The following PLEKHA2 variants were observed in gnomAD, a reference collection of about 807,000 sequenced individuals.
The protein encoded by PLEKHA2 is pleckstrin homology domain-containing family A member 2.
A neutral mutation model predicts 53.2 loss-of-function variants in PLEKHA2; 28 were observed. The observed-to-expected ratio is 0.53, with a 90% CI of 0.39 to 0.72. The LOEUF (loss-of-function observed/expected upper bound fraction) is 0.72, where lower values mean the gene tolerates loss of function less well. PLEKHA2 is among the 30% of genes least tolerant of loss of function. The probability of loss-of-function intolerance (pLI) is 0.00; values close to 1 mark genes in which losing one functional copy is unlikely to be tolerated. For missense variants in PLEKHA2, 426 were observed against 537.9 expected (o/e 0.79, Z 2.06); for synonymous variants, 193 against 196.4 (o/e 0.98, Z 0.14).
rs1193461459 is a variant in PLEKHA2 at position 38,969,791 on chromosome 8, C to A, written c.*8C>A. 1.1e-5 allele frequency: 14 copies of A among 1,232,418 alleles called. No individual in the cohort carries two copies. Among genetic ancestry groups the A allele is most frequent in the Non-Finnish European group, 1.6e-5 (14 of 880,232 alleles). 76.3% of individuals were successfully genotyped at this position (1,232,418 alleles called of 1,614,324 possible). On this transcript the variant is annotated 3_prime_UTR_variant, in exon 12 of 12. Coordinates refer to ENST00000617275, the MANE Select transcript of PLEKHA2 (RefSeq NM_021623.2). ...CGGACCTCTGATGTGTGATGGAGCA[C>A]AGTGCCATGGGAGGGAGGGAGGGAG...
At chr8:38,943,160 G>A (rs180919425) in intron 3 of PLEKHA2, among the ~76,000 whole-genome samples, 2 of 152,204 alleles carry the variant, frequency 1.3e-5, no homozygotes, top group East Asian at 3.9e-4. Flanking sequence ...GCCAGGATAG[G>A]TTTTCGTCAG....
intron 2 of PLEKHA2, among the ~76,000 whole-genome samples, chr8:38,931,633 G>C (rs995173231): frequency 2.6e-5 from 4 of 152,208 alleles, no homozygotes; most frequent in Non-Finnish European, 4.4e-5. Context: ...TGGTCTTCCA[G>C]TACTTTATGA....
chr8:38,965,783 G>T (rs1588280553), intron 10 of PLEKHA2, among the ~76,000 whole-genome samples: 2 of 152,130 alleles, frequency 1.3e-5, no homozygotes, highest in African/African-American at 2.4e-5. Flanking sequence ...TCATTTTTTT[G>T]TCGCATATCA....
chr8:38,918,714 C>T (rs1417830507), intron 2 of PLEKHA2, among the ~76,000 whole-genome samples: 1 of 147,248 alleles, frequency 6.8e-6, no homozygotes, highest in Non-Finnish European at 1.5e-5. Context: ...CACGCATGCA[C>T]CTCATACACA....
At chr8:38,930,663 G>A (rs1464604016) in intron 2 of PLEKHA2, among the ~76,000 whole-genome samples, 1 of 152,090 alleles carries the variant, frequency 6.6e-6, no homozygotes, top group African/African-American at 2.4e-5. Context: ...GCATGGCATG[G>A]CACGGCATGG....
At chr8:38,943,934 T>C in intron 4 of PLEKHA2, 97 bp downstream of exon 4, 1 of 986,204 alleles carries the variant, frequency 1.0e-6, no homozygotes, top group Non-Finnish European at 1.5e-6. Context: ...GACTATACCC[T>C]GTGAGTATGA....
intron 1 of PLEKHA2, among the ~76,000 whole-genome samples, chr8:38,907,286 C>G (rs1401136969): frequency 6.6e-6 from 1 of 152,126 alleles, no homozygotes; most frequent in African/African-American, 2.4e-5. Flanking sequence ...TCAGCCAATA[C>G]CACTGAAGGC....
chr8:38,948,098 A>T (rs1451794493), intron 5 of PLEKHA2, among the ~76,000 whole-genome samples: 12 of 151,692 alleles, frequency 7.9e-5, no homozygotes, highest in African/African-American at 2.9e-4. Flanking sequence ...AAAAAAAAAA[A>T]AAAAAATTGT....
intron 3 of PLEKHA2, among the ~76,000 whole-genome samples, chr8:38,940,970 C>G (rs777365941): frequency 6.6e-6 from 1 of 151,634 alleles, no homozygotes; most frequent in Non-Finnish European, 1.5e-5. Flanking sequence ...AGTAACTCAT[C>G]CAATTTGTAA....
At chr8:38,918,414 TAC>T (rs1387566570) in intron 2 of PLEKHA2, among the ~76,000 whole-genome samples, 1 of 131,578 alleles carries the variant, frequency 7.6e-6, no homozygotes, top group East Asian at 2.4e-4. Context: ...CACAGACACA[TAC>T]ACACACCACA....
At chr8:38,949,642 A>C (rs1240931824) in intron 5 of PLEKHA2, among the ~76,000 whole-genome samples, 2 of 152,238 alleles carry the variant, frequency 1.3e-5, no homozygotes, top group Non-Finnish European at 2.9e-5. Context: ...GTCAAGGAAG[A>C]GCAAAGATAG....
intron 1 of PLEKHA2, among the ~76,000 whole-genome samples, chr8:38,912,723 T>A (rs1163453256): frequency 2.0e-5 from 3 of 152,122 alleles, no homozygotes; most frequent in African/African-American, 7.2e-5. Context: ...CATCAGAGGA[T>A]TAGGGCTCAG....
At chr8:38,920,415 A>G (rs1834163419) in intron 2 of PLEKHA2, among the ~76,000 whole-genome samples, 2 of 151,930 alleles carry the variant, frequency 1.3e-5, no homozygotes. Flanking sequence ...TGGCCTCCCA[A>G]AGTGCTGGGA....
At chr8:38,944,533 T>C (rs1350366028) in intron 4 of PLEKHA2, among the ~76,000 whole-genome samples, 4 of 151,618 alleles carry the variant, frequency 2.6e-5, no homozygotes, top group Non-Finnish European at 5.9e-5. Flanking sequence ...ATTGGCTCAG[T>C]GTTCTGCAGG....
chr8:38,950,414 T>C (rs1042354522), intron 5 of PLEKHA2: 5 of 156,082 alleles, frequency 3.2e-5, no homozygotes, highest in African/African-American at 1.2e-4. Context: ...CCCACTCTGT[T>C]TCCAGCAGGT....
chr8:38,931,949 T>TG (rs992197664), intron 2 of PLEKHA2, among the ~76,000 whole-genome samples: 1 of 152,126 alleles, frequency 6.6e-6, no homozygotes, highest in Non-Finnish European at 1.5e-5. Flanking sequence ...AGTGTTCTGG[T>TG]GGGGGGAAGC....
chr8:38,927,202 C>A (rs746251310), intron 2 of PLEKHA2, among the ~76,000 whole-genome samples: 25 of 152,162 alleles, frequency 1.6e-4, no homozygotes, highest in South Asian at 8.3e-4. Context: ...ATTTATAGAT[C>A]TAGTTATATA....
At position 38,935,693 on chromosome 8, in the gene PLEKHA2, A is replaced by G. The variant is rs138369161; in HGVS notation, c.142-301A>G. On this transcript the variant is annotated intron_variant, in intron 2 of 11. Transcript: ENST00000617275. Reference sequence around the variant, plus strand: ...CTTGGCCTTCCAAAGTACTGGGATTACAGGCATGAACCAGTATGCCCAGCC... The same window carrying G: ...CTTGGCCTTCCAAAGTACTGGGATTGCAGGCATGAACCAGTATGCCCAGCC... 2.1e-3 allele frequency among the ~76,000 whole-genome samples: 327 copies of G among 152,346 alleles called. 1 individual carries two copies. Among genetic ancestry groups the G allele is most frequent in the African/African-American group, 7.5e-3 (312 of 41,570 alleles).
At chr8:38,932,271 C>T (rs1203364107) in intron 2 of PLEKHA2, among the ~76,000 whole-genome samples, 1 of 152,226 alleles carries the variant, frequency 6.6e-6, no homozygotes, top group African/African-American at 2.4e-5. Flanking sequence ...GTTGGGATTA[C>T]AGGTGTGCGC....
Sources: allele counts gnomAD v4.1 joint callset (sites outside exome capture counted in the v4.1 genomes callset), GRCh38; gene constraint gnomAD v4.1.1; transcripts MANE v1.5; gene names NCBI Gene and HGNC (gene_info 2026-07-23, HGNC 2026-07-21).